GABRA3: variants seen among roughly 807,000 people sequenced by gnomAD.
GABRA3 encodes gamma-aminobutyric acid receptor subunit alpha-3.
Under a neutral mutation model 30.1 loss-of-function variants are expected in GABRA3, and 10 were observed. The ratio of observed to expected loss-of-function variants is 0.33; its 90% CI spans 0.20 to 0.56. GABRA3 has a LOEUF of 0.56. Ranked by LOEUF, GABRA3 falls within the 20% of genes least tolerant of loss-of-function variation. The probability of loss-of-function intolerance (pLI) is 0.89; values close to 1 mark genes in which losing one functional copy is unlikely to be tolerated. For synonymous variants in GABRA3, 151 were observed against 146.8 expected, an observed-to-expected ratio of 1.03 and a Z score of -0.21; for missense variants, 233 against 392.0, an observed-to-expected ratio of 0.59 and a Z score of 3.42.
chrX:152,209,064 G>C (rs1260116407), intron 6 of GABRA3, among the ~76,000 whole-genome samples: 2 of 111,438 alleles, frequency 1.8e-5, no homozygotes, highest in African/African-American at 6.5e-5. Flanking sequence ...TCAAACTAGT[G>C]ATATTTTAAG....
chrX:152,421,528 G>A (rs933798708), intron 1 of GABRA3, among the ~76,000 whole-genome samples: 1 of 111,287 alleles, frequency 9.0e-6, no homozygotes, highest in African/African-American at 3.3e-5. Flanking sequence ...TAAAGTAAAA[G>A]TCTGATCAAC....
At chrX:152,303,472 C>A (rs1365587495) in intron 3 of GABRA3, among the ~76,000 whole-genome samples, 3 of 111,332 alleles carry the variant, frequency 2.7e-5, no homozygotes, top group Non-Finnish European at 5.7e-5. Flanking sequence ...GGTATATACC[C>A]AAAGGATTAT....
intron 9 of GABRA3, among the ~76,000 whole-genome samples, chrX:152,186,590 C>G (rs1439276605): frequency 9.3e-6 from 1 of 108,074 alleles, no homozygotes; most frequent in Non-Finnish European, 1.9e-5. Flanking sequence ...TCCCTTCCTT[C>G]CTTCCTTTAT....
chrX:152,333,051 C>T (rs1231280844), intron 3 of GABRA3, among the ~76,000 whole-genome samples: 2 of 111,751 alleles, frequency 1.8e-5, no homozygotes, highest in Non-Finnish European at 3.8e-5. Flanking sequence ...TGAGAATTGG[C>T]CATTGTTTTT....
At chrX:152,359,595 C>T (rs904710261) in intron 2 of GABRA3, among the ~76,000 whole-genome samples, 1 of 110,481 alleles carries the variant, frequency 9.1e-6, no homozygotes, top group African/African-American at 3.3e-5. Flanking sequence ...CTTTTGCTAG[C>T]TTTGGGGTTG....
chrX:152,330,400 A>G (rs968847396), intron 3 of GABRA3, among the ~76,000 whole-genome samples: 1 of 112,071 alleles, frequency 8.9e-6, no homozygotes, highest in African/African-American at 3.2e-5. Flanking sequence ...ACATGCATAC[A>G]TATGTTTATT....
chrX:152,371,333 C>T (rs765546257), intron 1 of GABRA3, among the ~76,000 whole-genome samples: 55 of 111,353 alleles, frequency 4.9e-4, no homozygotes, highest in African/African-American at 1.7e-3. Flanking sequence ...AAAGACCATG[C>T]GCTCTCCTTC....
intron 9 of GABRA3, among the ~76,000 whole-genome samples, chrX:152,172,325 T>C (rs1323120003): frequency 9.0e-6 from 1 of 111,262 alleles, no homozygotes; most frequent in African/African-American, 3.3e-5. Context: ...TGTGGAGAAA[T>C]TGAAACCCTT....
At chrX:152,299,783 T>C (rs1279437736) in intron 3 of GABRA3, among the ~76,000 whole-genome samples, 3 of 112,062 alleles carry the variant, frequency 2.7e-5, no homozygotes, top group Non-Finnish European at 3.8e-5. Flanking sequence ...AGGTGAATTT[T>C]TGAAGAGAGT....
chrX:152,397,073 G>C (rs2124519722), intron 1 of GABRA3, among the ~76,000 whole-genome samples: 1 of 111,592 alleles, frequency 9.0e-6, no homozygotes, highest in South Asian at 3.8e-4. Context: ...ACACAGCATT[G>C]GTGTGTGAGC....
chrX:152,229,055 C>A (rs1938018515), intron 5 of GABRA3, among the ~76,000 whole-genome samples: 1 of 111,431 alleles, frequency 9.0e-6, no homozygotes, highest in Non-Finnish European at 1.9e-5. Flanking sequence ...ATGGTTGCCT[C>A]TGACTTCAGA....
rs370841582 is a variant in GABRA3, at chrX:152,295,570, G to A, written c.263-10835C>T. Among the ~76,000 whole-genome samples, 20 of 112,831 alleles carry A rather than the reference G, an allele frequency of 1.8e-4. No homozygotes were observed. The South Asian group carries it at 1.8e-3, about 10-fold the overall frequency. On this transcript the variant is annotated intron_variant, in intron 3 of 9. Transcript: ENST00000370314. The stretch of plus-strand genomic sequence containing the variant: ...CGTTGGAAAAGCACAGTATTTGGGC[G>A]GGAGTGTCCCATTTTTCCAGGTAGT...
intron 9 of GABRA3, among the ~76,000 whole-genome samples, chrX:152,174,857 G>A (rs1433674126): frequency 2.7e-5 from 3 of 112,016 alleles, no homozygotes; most frequent in African/African-American, 6.5e-5. Context: ...TAGACATGAA[G>A]TCCTTGCCCA....
intron 5 of GABRA3, among the ~76,000 whole-genome samples, chrX:152,229,688 C>A (rs370304603): frequency 9.1e-6 from 1 of 109,807 alleles, no homozygotes; most frequent in Non-Finnish European, 1.9e-5. Context: ...AAGATGAGTT[C>A]AAAGAGGAAG....
At chrX:152,384,346 C>A (rs1929238948) in intron 1 of GABRA3, among the ~76,000 whole-genome samples, 1 of 111,404 alleles carries the variant, frequency 9.0e-6, no homozygotes, top group Non-Finnish European at 1.9e-5. Flanking sequence ...ATACCAATGA[C>A]ATTTTTCAGA....
chrX:152,321,519 T>A (rs1370815391), intron 3 of GABRA3, among the ~76,000 whole-genome samples: 1 of 111,718 alleles, frequency 9.0e-6, no homozygotes. Flanking sequence ...TGGAAAAGAC[T>A]GTTGTCATAT....
chrX:152,371,249 T>C (rs1205810760), intron 1 of GABRA3, among the ~76,000 whole-genome samples: 1 of 111,681 alleles, frequency 9.0e-6, no homozygotes, highest in Non-Finnish European at 1.9e-5. Context: ...CTTTCTTTTC[T>C]CTCTGGGAGA....
intron 1 of GABRA3, among the ~76,000 whole-genome samples, chrX:152,378,061 A>G (rs187108133): frequency 1.0e-3 from 118 of 112,604 alleles, no homozygotes; most frequent in African/African-American, 2.8e-3. Flanking sequence ...ATCTCAAGTC[A>G]TGAATTTAAT....
chrX:152,297,862 G>A (rs1319029996), intron 3 of GABRA3, among the ~76,000 whole-genome samples: 1 of 112,250 alleles, frequency 8.9e-6, no homozygotes, highest in East Asian at 2.8e-4. Context: ...GCTGCAAATA[G>A]AGTTCACTCC....
Sources: allele counts gnomAD v4.1 joint callset (sites outside exome capture counted in the v4.1 genomes callset), GRCh38; gene constraint gnomAD v4.1.1; transcripts MANE v1.5; gene names NCBI Gene and HGNC (gene_info 2026-07-23, HGNC 2026-07-21).